Variants in MAGI2 observed in about 807,000 individuals in gnomAD.
MAGI2 encodes the protein membrane associated guanylate kinase, WW and PDZ domain containing 2.
In MAGI2, 35 loss-of-function variants were observed where a neutral mutation model predicts 133.3. The ratio of observed to expected loss-of-function variants is 0.26; its 90% CI spans 0.20 to 0.35. MAGI2 has a LOEUF of 0.35. MAGI2 is among the 10% of genes least tolerant of loss of function. The probability of loss-of-function intolerance (pLI) is 1.00; values close to 1 mark genes in which losing one functional copy is unlikely to be tolerated. For missense variants in MAGI2, 1,636 were observed against 1,863.4 expected (o/e 0.88, Z 2.25); for synonymous variants, 729 against 710.6 (o/e 1.03, Z -0.41).
intron 21 of MAGI2, among the ~76,000 whole-genome samples, chr7:78,070,634 A>ATG (rs1814573853): frequency 1.5e-4 from 16 of 105,272 alleles, no homozygotes; most frequent in Admixed American, 3.4e-4. Context: ...GTGTGTGTAT[A>ATG]TATATATATA....
intron 1 of MAGI2, among the ~76,000 whole-genome samples, chr7:79,203,125 A>G (rs1828755639): frequency 6.6e-6 from 1 of 152,024 alleles, no homozygotes; most frequent in South Asian, 2.1e-4. Flanking sequence ...ACGAAAATTA[A>G]CACATCTAAC....
At chr7:79,167,838 C>A (rs1435152899) in intron 1 of MAGI2, among the ~76,000 whole-genome samples, 1 of 152,138 alleles carries the variant, frequency 6.6e-6, no homozygotes, top group Non-Finnish European at 1.5e-5. Flanking sequence ...AAAATCTCTG[C>A]AGCACTGTGA....
At chr7:78,134,303 C>T (rs1268758549) in intron 17 of MAGI2, 1 of 152,230 alleles carries the variant, frequency 6.6e-6, no homozygotes, top group African/African-American at 2.4e-5. Flanking sequence ...CCATCAGCCT[C>T]TGTGTGGGAC....
intron 3 of MAGI2, among the ~76,000 whole-genome samples, chr7:78,570,792 T>C (rs1439987594): frequency 1.3e-5 from 2 of 152,208 alleles, no homozygotes; most frequent in African/African-American, 4.8e-5. Context: ...TATATATTTC[T>C]GTGCTTCTTT....
intron 2 of MAGI2, among the ~76,000 whole-genome samples, chr7:78,803,571 A>C (rs1234407377): frequency 6.6e-6 from 1 of 152,160 alleles, no homozygotes; most frequent in Non-Finnish European, 1.5e-5. Flanking sequence ...CTGCTCCTTG[A>C]ACTGATTTCC....
intron 2 of MAGI2, among the ~76,000 whole-genome samples, chr7:78,853,353 T>C (rs1427147213): frequency 2.8e-5 from 3 of 106,922 alleles, no homozygotes; most frequent in African/African-American, 1.1e-4. Context: ...TTTTTTTTTT[T>C]TTTTTTTTTT....
chr7:78,888,225 G>A (rs534780387), intron 2 of MAGI2, among the ~76,000 whole-genome samples: 208 of 152,302 alleles, frequency 1.4e-3, no homozygotes, highest in African/African-American at 4.7e-3. Flanking sequence ...TAAACAAAGC[G>A]GCCAGGAAGC....
chr7:79,363,231 T>A (rs573263963), intron 1 of MAGI2, among the ~76,000 whole-genome samples: 86 of 150,820 alleles, frequency 5.7e-4, no homozygotes, highest in Non-Finnish European at 7.0e-4. Context: ...GGTATACAGT[T>A]TAAAAATGTA....
intron 2 of MAGI2, among the ~76,000 whole-genome samples, chr7:78,819,716 C>T (rs773655139): frequency 2.0e-4 from 30 of 152,032 alleles, no homozygotes; most frequent in Admixed American, 3.9e-4. Flanking sequence ...CTAGGACATA[C>T]GTCTCTATCA....
intron 2 of MAGI2, among the ~76,000 whole-genome samples, chr7:79,006,457 A>T (rs1807458355): frequency 6.6e-6 from 1 of 152,170 alleles, no homozygotes; most frequent in Non-Finnish European, 1.5e-5. Context: ...TTTTCAGGTG[A>T]GCTGTAACAG....
At chr7:79,063,878 C>T (rs898425107) in intron 1 of MAGI2, among the ~76,000 whole-genome samples, 5 of 151,936 alleles carry the variant, frequency 3.3e-5, no homozygotes, top group Non-Finnish European at 5.9e-5. Context: ...TATAAAGCCA[C>T]AATTTACTTA....
intron 1 of MAGI2, among the ~76,000 whole-genome samples, chr7:79,237,287 G>A (rs919782436): frequency 2.6e-5 from 4 of 152,220 alleles, no homozygotes; most frequent in South Asian, 4.1e-4. Context: ...GAGGTCAGGC[G>A]ATCAAGACCA....
intron 21 of MAGI2, among the ~76,000 whole-genome samples, chr7:78,059,309 C>G (rs1005345707): frequency 2.2e-4 from 33 of 152,194 alleles, no homozygotes; most frequent in African/African-American, 7.9e-4. Context: ...GATTAAAAAC[C>G]CTTTCCAGAA....
intron 9 of MAGI2, among the ~76,000 whole-genome samples, chr7:78,315,150 C>T (rs919377443): frequency 3.3e-5 from 5 of 152,102 alleles, no homozygotes; most frequent in Admixed American, 2.0e-4. Context: ...TCCAAATGTC[C>T]TAGTTACCAC....
intron 1 of MAGI2, among the ~76,000 whole-genome samples, chr7:79,085,431 A>G (rs1024569888): frequency 3.3e-5 from 5 of 151,576 alleles, no homozygotes; most frequent in South Asian, 4.1e-4. Context: ...TTCTTTGGAC[A>G]TATTTATAAC....
At chr7:79,352,822 C>T (rs1416869723) in intron 1 of MAGI2, among the ~76,000 whole-genome samples, 1 of 152,074 alleles carries the variant, frequency 6.6e-6, no homozygotes, top group Non-Finnish European at 1.5e-5. Flanking sequence ...ACCAAGAGTG[C>T]CTCATGCTAG....
intron 6 of MAGI2, among the ~76,000 whole-genome samples, chr7:78,477,121 T>TGTC (rs16690): frequency 0.85 from 129,413 of 151,548 alleles, 55,738 homozygotes; most frequent in African/African-American, 0.96. Context: ...TGAGAGAACT[T>TGTC]TATATATTCA....
intron 1 of MAGI2, among the ~76,000 whole-genome samples, chr7:79,315,342 TTTTTG>T (rs1319516440): frequency 2.5e-4 from 24 of 94,898 alleles, no homozygotes; most frequent in Admixed American, 5.2e-4. Context: ...TTTTTTTTTT[TTTTTG>T]TATTTTTAGT....
intron 1 of MAGI2, among the ~76,000 whole-genome samples, chr7:79,409,348 C>T (rs1585875088): frequency 6.6e-6 from 1 of 152,144 alleles, no homozygotes; most frequent in East Asian, 1.9e-4. Flanking sequence ...TGGTCTTGAA[C>T]TCCTGGCCTC....
Sources: allele counts gnomAD v4.1 joint callset (sites outside exome capture counted in the v4.1 genomes callset), GRCh38; gene constraint gnomAD v4.1.1; transcripts MANE v1.5; gene names NCBI Gene and HGNC (gene_info 2026-07-23, HGNC 2026-07-21).